Variants in SLC17A8 observed in about 807,000 individuals in gnomAD.
The protein encoded by SLC17A8 is solute carrier family 17 member 8, also known as vesicular glutamate transporter 3.
In SLC17A8, 31 loss-of-function variants were observed where a neutral mutation model predicts 58.0. That is an observed-to-expected ratio of 0.53 (90% CI 0.40 to 0.72). The LOEUF (loss-of-function observed/expected upper bound fraction) is 0.72, where lower values mean the gene tolerates loss of function less well. Ranked by LOEUF, SLC17A8 falls within the 30% of genes least tolerant of loss-of-function variation. The pLI, the probability that SLC17A8 is intolerant of heterozygous loss-of-function variation, is 0.00. For missense variants in SLC17A8, 655 were observed against 727.8 expected (o/e 0.90, Z 1.15); for synonymous variants, 228 against 249.0 (o/e 0.92, Z 0.79).
At chr12:100,396,719 G>C (rs1305855527) in intron 5 of SLC17A8, among the ~76,000 whole-genome samples, 1 of 152,084 alleles carries the variant, frequency 6.6e-6, no homozygotes, top group Non-Finnish European at 1.5e-5. Context: ...CAGCACTCCA[G>C]CCTGAGTGAC....
At chr12:100,379,434 C>CAAAAA (rs142965532) in intron 1 of SLC17A8, among the ~76,000 whole-genome samples, 6 of 137,360 alleles carry the variant, frequency 4.4e-5, no homozygotes, top group Admixed American at 1.5e-4. Context: ...GATTCCGTCC[C>CAAAAA]CAAAAAAAAA....
chr12:100,419,263 A>G (rs1178864749), intron 11 of SLC17A8, among the ~76,000 whole-genome samples: 2 of 152,178 alleles, frequency 1.3e-5, no homozygotes, highest in Non-Finnish European at 2.9e-5. Flanking sequence ...GTTTATTTTA[A>G]AATGTATTTT....
rs1194257145 is a variant in SLC17A8 at position 100,418,950 on chromosome 12, T to C, written c.1425+794T>C. 2.6e-5 allele frequency among the ~76,000 whole-genome samples: 4 copies of C among 152,238 alleles called. No homozygotes were observed. In the South Asian group the frequency reaches 6.2e-4, roughly 24 times the overall value. The stretch of plus-strand genomic sequence containing the variant: ...CATCTCTGTTCATGAAATGATAGGA[T>C]TGATAACCTGACTATTAAATCCAAG... On this transcript the variant is annotated intron_variant, in intron 11 of 11. Coordinates refer to ENST00000323346, the MANE Select transcript of SLC17A8 (RefSeq NM_139319.3).
In SLC17A8 at chr12:100,420,144, C is replaced by G. The variant is rs766084234; in HGVS notation, c.1755C>G (p.Phe585Leu). The G allele has an allele frequency of 6.2e-7, 1 of 1,612,888 alleles. No homozygotes were observed. Among genetic ancestry groups the G allele is most frequent in the Non-Finnish European group, 8.5e-7 (1 of 1,179,434 alleles). ...CCTACCAGAATGAAGAGAGAAACTT[C>G]TCAACTATATCCTAATGTCTGAGAG... ...LTSYQNEERN[F>L]STIS Residue 585 changes from phenylalanine (F) to leucine (L), a missense_variant, in exon 12 of 12, where the codon TTC becomes TTG. By Grantham distance (22) the Phe-to-Leu change is conservative. Coordinates refer to ENST00000323346, the MANE Select transcript of SLC17A8 (RefSeq NM_139319.3).
chr12:100,397,720 T>C (rs1218428165), intron 5 of SLC17A8, among the ~76,000 whole-genome samples: 1 of 152,012 alleles, frequency 6.6e-6, no homozygotes, highest in Non-Finnish European at 1.5e-5. Context: ...AGGTGGAGGA[T>C]TGCTTGAGCC....
At chr12:100,373,156 A>G (rs1411571994) in intron 1 of SLC17A8, among the ~76,000 whole-genome samples, 1 of 152,142 alleles carries the variant, frequency 6.6e-6, no homozygotes, top group African/African-American at 2.4e-5. Context: ...GCGGCTGTCT[A>G]TATTTGGAGA....
chr12:100,359,758 T>C (rs1952472763), intron 1 of SLC17A8, among the ~76,000 whole-genome samples: 1 of 152,160 alleles, frequency 6.6e-6, no homozygotes, highest in African/African-American at 2.4e-5. Context: ...CACAGGTGTA[T>C]AAGGTAATTG....
intron 9 of SLC17A8, among the ~76,000 whole-genome samples, chr12:100,405,588 T>G (rs1285415348): frequency 6.6e-6 from 1 of 152,052 alleles, no homozygotes; most frequent in African/African-American, 2.4e-5. Flanking sequence ...CCCTAGAAGC[T>G]GGAGAAGACA....
At chr12:100,406,318 A>G (rs1052867327) in intron 9 of SLC17A8, among the ~76,000 whole-genome samples, 3 of 152,192 alleles carry the variant, frequency 2.0e-5, no homozygotes, top group Non-Finnish European at 4.4e-5. Context: ...GATTTTAGGC[A>G]GAGGGAATAG....
chr12:100,399,085 A>G (rs1310485715), intron 5 of SLC17A8, among the ~76,000 whole-genome samples: 1 of 152,184 alleles, frequency 6.6e-6, no homozygotes. Context: ...GTTACAACCC[A>G]TTGTTTTATA....
chr12:100,380,655 C>T, intron 1 of SLC17A8, 46 bp from the exon 2 acceptor site: 1 of 1,611,486 alleles, frequency 6.2e-7, no homozygotes, highest in Non-Finnish European at 8.5e-7. Context: ...TTTCTTTTTC[C>T]TTTAATCCTG....
At chr12:100,378,585 T>C (rs558162599) in intron 1 of SLC17A8, among the ~76,000 whole-genome samples, 1 of 152,154 alleles carries the variant, frequency 6.6e-6, no homozygotes, top group Admixed American at 6.5e-5. Context: ...ACAGGAATGA[T>C]CTATTATACT....
At chr12:100,399,606 A>G (rs1178800664) in intron 5 of SLC17A8, among the ~76,000 whole-genome samples, 1 of 151,932 alleles carries the variant, frequency 6.6e-6, no homozygotes, top group African/African-American at 2.4e-5. Context: ...AGAGAGAGTG[A>G]AGGGGAAGGT....
chr12:100,411,740 ATTC>A (rs1325190377), intron 9 of SLC17A8, among the ~76,000 whole-genome samples: 1 of 151,788 alleles, frequency 6.6e-6, no homozygotes, highest in East Asian at 1.9e-4. Flanking sequence ...TAATTTCCTC[ATTC>A]TTTTTATTTT....
intron 1 of SLC17A8, among the ~76,000 whole-genome samples, chr12:100,371,157 ATTAT>A (rs1378453839): frequency 6.6e-6 from 1 of 152,096 alleles, no homozygotes; most frequent in East Asian, 1.9e-4. Context: ...CCATTTATTG[ATTAT>A]TTATCAAGTG....
chr12:100,378,777 T>C (rs1952612086), intron 1 of SLC17A8, among the ~76,000 whole-genome samples: 1 of 152,134 alleles, frequency 6.6e-6, no homozygotes, highest in African/African-American at 2.4e-5. Flanking sequence ...GGTACATTGG[T>C]AGGGAAATGG....
In SLC17A8 at chr12:100,412,910, G is replaced by T; in HGVS notation, c.1297+30G>T. 3 of 1,522,306 alleles carry T rather than the reference G, an allele frequency of 2.0e-6. No homozygotes were observed. In the South Asian group the frequency reaches 3.4e-5, roughly 17 times the overall value. 94.3% of individuals were successfully genotyped at this position (1,522,306 alleles called of 1,614,324 possible). ...TGTGTCCTTTGGGTTTCCAGATCTTGACTATAGATTCAACAAGTCCCAGGA... is the reference window on the plus strand; with the variant it reads ...TGTGTCCTTTGGGTTTCCAGATCTTTACTATAGATTCAACAAGTCCCAGGA... On this transcript the variant is annotated intron_variant, in intron 10 of 11. Coordinates refer to ENST00000323346, the MANE Select transcript of SLC17A8 (RefSeq NM_139319.3).
intron 1 of SLC17A8, among the ~76,000 whole-genome samples, chr12:100,370,964 A>AT (rs61517438): frequency 0.62 from 94,869 of 152,012 alleles, 31,701 homozygotes; most frequent in East Asian, 0.99. Context: ...GCAAATATTA[A>AT]TTTAAAAATG....
In SLC17A8 at chr12:100,380,812, C is replaced by T; in HGVS notation, c.213C>T (p.Gly71=). ...CACTCTGCGACTGCCACTGCTGCGG[C>T]CTCCCCAAGCGTTACATCATTGCTA... ...SPPLCDCHCC[G]LPKRYIIAIM... The change falls in exon 2 of 12, where the codon GGC becomes GGT. Residue 71 remains glycine, a synonymous_variant. Coordinates refer to ENST00000323346, the MANE Select transcript of SLC17A8 (RefSeq NM_139319.3). 6.2e-7 allele frequency: 1 copy of T among 1,614,132 alleles called. No individual in the cohort carries two copies. Among genetic ancestry groups the T allele is most frequent in the Admixed American group, 1.7e-5 (1 of 60,020 alleles).
Sources: allele counts gnomAD v4.1 joint callset (sites outside exome capture counted in the v4.1 genomes callset), GRCh38; gene constraint gnomAD v4.1.1; transcripts MANE v1.5; gene names NCBI Gene and HGNC (gene_info 2026-07-23, HGNC 2026-07-21).